Variants in KDM4C observed in about 807,000 individuals in gnomAD.
KDM4C encodes the protein lysine demethylase 4C, also known as lysine-specific demethylase 4C.
Under a neutral mutation model 129.3 loss-of-function variants are expected in KDM4C, and 81 were observed. That is an observed-to-expected ratio of 0.63 (90% confidence interval 0.52 to 0.75). The LOEUF is 0.75. Ranked by LOEUF, KDM4C falls within the 30% of genes least tolerant of loss-of-function variation. The probability of loss-of-function intolerance (pLI) is 0.00; values close to 1 mark genes in which losing one functional copy is unlikely to be tolerated. For missense variants in KDM4C, 1,457 were observed against 1,304.0 expected (o/e 1.12, Z -1.81); for synonymous variants, 573 against 456.1 (o/e 1.26, Z -3.26).
At chr9:6,920,924 T>C (rs746341295) in intron 8 of KDM4C, among the ~76,000 whole-genome samples, 3 of 152,214 alleles carry the variant, frequency 2.0e-5, no homozygotes, top group Admixed American at 6.5e-5. Context: ...ATCAGTTTTC[T>C]GAGCCCCAAC....
At chr9:6,978,486 A>G (rs1453672217) in intron 8 of KDM4C, 1 of 152,176 alleles carries the variant, frequency 6.6e-6, no homozygotes, top group Non-Finnish European at 1.5e-5. Flanking sequence ...ACATGGTGGC[A>G]TGTTTCTGTA....
chr9:6,844,833 G>A (rs1298115240), intron 4 of KDM4C, among the ~76,000 whole-genome samples: 3 of 152,122 alleles, frequency 2.0e-5, no homozygotes, highest in East Asian at 3.9e-4. Context: ...GATTACAGGT[G>A]TGTGCCACCA....
intron 1 of KDM4C, among the ~76,000 whole-genome samples, chr9:6,742,454 A>G (rs1345520723): frequency 6.6e-6 from 1 of 152,018 alleles, no homozygotes; most frequent in East Asian, 1.9e-4. Context: ...GTTAGTTCAG[A>G]GAGACTCTCT....
rs770832433 is a variant in KDM4C at position 6,830,422 on chromosome 9, A to G, written c.435+15677A>G. 1.6e-4 allele frequency among the ~76,000 whole-genome samples: 25 copies of G among 152,284 alleles called. 2 individuals carry two copies. In the South Asian group the frequency reaches 1.7e-3, roughly 10 times the overall value. On this transcript the variant is annotated intron_variant, in intron 4 of 21. Coordinates refer to ENST00000381309, the MANE Select transcript of KDM4C (RefSeq NM_015061.6). ...TATGGTTTCTTCAAAATAAGTCACC[A>G]GCTGTCAGTGGGCTTTTGGGGGGTC... is the stretch of plus-strand genomic sequence containing the variant.
intron 4 of KDM4C, among the ~76,000 whole-genome samples, chr9:6,834,188 G>A (rs999934974): frequency 6.6e-6 from 1 of 151,902 alleles, no homozygotes; most frequent in Admixed American, 6.6e-5. Context: ...ACAGGCGTGC[G>A]CCACCATGCC....
chr9:7,091,015 G>A (rs571157293), intron 17 of KDM4C, among the ~76,000 whole-genome samples: 1 of 152,154 alleles, frequency 6.6e-6, no homozygotes, highest in Admixed American at 6.5e-5. Flanking sequence ...GGGCAGGTGG[G>A]CCAGGTTGTG....
At chr9:7,124,010 C>A (rs1386023891) in intron 18 of KDM4C, among the ~76,000 whole-genome samples, 1 of 152,146 alleles carries the variant, frequency 6.6e-6, no homozygotes, top group Non-Finnish European at 1.5e-5. Context: ...TAGATGAAGC[C>A]GGTTAGGATT....
chr9:6,940,668 C>A (rs1281305606), intron 8 of KDM4C, among the ~76,000 whole-genome samples: 1 of 152,148 alleles, frequency 6.6e-6, no homozygotes, highest in Non-Finnish European at 1.5e-5. Context: ...TGTAAGTTGT[C>A]ATTTTTGTTA....
intron 8 of KDM4C, chr9:6,924,805 T>C (rs1822178628): frequency 1.0e-6 from 1 of 980,550 alleles, no homozygotes; most frequent in Admixed American, 6.1e-5. Context: ...TTTTTTTTGG[T>C]TTCTGCATTC....
chr9:6,864,126 GT>G (rs920840533), intron 5 of KDM4C, among the ~76,000 whole-genome samples: 1 of 152,176 alleles, frequency 6.6e-6, no homozygotes, highest in African/African-American at 2.4e-5. Context: ...ATGTTAGTGG[GT>G]TTTTTCCCCT....
At position 6,986,683 on chromosome 9, in the gene KDM4C, A is replaced by G. The variant is rs908978651; in HGVS notation, c.1677+17A>G. 3.9e-6 allele frequency: 6 copies of G among 1,549,240 alleles called. No homozygotes were observed. The highest frequency in any genetic ancestry group is 5.3e-6 in the Non-Finnish European group (6 of 1,139,418). On this transcript the variant is annotated intron_variant, in intron 11 of 21. Transcript: ENST00000381309. Reference sequence around the variant, plus strand: ...GTCCCCAGTGTATGTGGCAATATCCATTTTTTACCATATTCATTATATGGT... The same window carrying G: ...GTCCCCAGTGTATGTGGCAATATCCGTTTTTTACCATATTCATTATATGGT...
intron 6 of KDM4C, among the ~76,000 whole-genome samples, chr9:6,880,290 T>C (rs575957267): frequency 6.6e-6 from 1 of 152,328 alleles, no homozygotes; most frequent in African/African-American, 2.4e-5. Flanking sequence ...GTTATTTTAG[T>C]TGACTGTTTA....
rs192641908 is a variant in KDM4C, at chr9:7,039,630, C to T, written c.2260-7232C>T. Among the ~76,000 whole-genome samples the T allele has an allele frequency of 5.3e-5, 8 of 152,158 alleles. No homozygotes were observed. In the East Asian group the frequency reaches 9.7e-4, roughly 18 times the overall value. ...AGCCTTATTGATATAACACAATTAA[C>T]ACACAGTTTATATGTTATATTTATT... On this transcript the variant is annotated intron_variant, in intron 15 of 21. Coordinates refer to ENST00000381309, the MANE Select transcript of KDM4C (RefSeq NM_015061.6).
chr9:7,053,903 A>G (rs1351372851), intron 17 of KDM4C, among the ~76,000 whole-genome samples: 1 of 152,256 alleles, frequency 6.6e-6, no homozygotes. Context: ...AGTTAGCTGA[A>G]TGGGCTAAAG....
chr9:6,852,649 C>T (rs1839069036), intron 5 of KDM4C, among the ~76,000 whole-genome samples: 1 of 152,168 alleles, frequency 6.6e-6, no homozygotes, highest in African/African-American at 2.4e-5. Context: ...TGGGTGGCCT[C>T]TCCTGTGCTT....
intron 17 of KDM4C, among the ~76,000 whole-genome samples, chr9:7,067,138 A>C (rs1832533719): frequency 6.6e-6 from 1 of 152,218 alleles, no homozygotes; most frequent in African/African-American, 2.4e-5. Context: ...CAGGCTTCTC[A>C]ATTTAGCTGG....
chr9:7,049,511 T>C (rs1215918703), intron 17 of KDM4C, among the ~76,000 whole-genome samples: 2 of 152,112 alleles, frequency 1.3e-5, no homozygotes, highest in Non-Finnish European at 2.9e-5. Context: ...AGCTGAGCCA[T>C]CTAACTCTAT....
chr9:7,017,585 C>T (rs1563989454), intron 15 of KDM4C, among the ~76,000 whole-genome samples: 1 of 152,022 alleles, frequency 6.6e-6, no homozygotes, highest in Non-Finnish European at 1.5e-5. Context: ...TTAAGTTTTA[C>T]CTTAATTTTT....
At chr9:6,925,033 AC>A in intron 8 of KDM4C, 2 of 985,336 alleles carry the variant, frequency 2.0e-6, no homozygotes, top group African/African-American at 3.5e-5. Context: ...TCTGAAATGA[AC>A]CAGGTGTATA....
Sources: gnomAD v4.1 joint callset for allele counts (sites outside exome capture counted in the v4.1 genomes callset) on GRCh38, gnomAD v4.1.1 for gene constraint, MANE v1.5 for transcripts, NCBI Gene and HGNC (gene_info 2026-07-23, HGNC 2026-07-21) for gene names.